DLGAP4: variants seen among roughly 807,000 people sequenced by gnomAD.
DLGAP4 encodes DLG associated protein 4.
Under a neutral mutation model 86.9 loss-of-function variants are expected in DLGAP4, and 18 were observed. The ratio of observed to expected loss-of-function variants is 0.21; its 90% confidence interval spans 0.14 to 0.31. The LOEUF (loss-of-function observed/expected upper bound fraction) is 0.31, where lower values mean the gene tolerates loss of function less well. Among genes scored for constraint, DLGAP4 ranks in the 10% least tolerant of loss-of-function variants. The probability of loss-of-function intolerance (pLI) is 1.00; values close to 1 mark genes in which losing one functional copy is unlikely to be tolerated. For missense variants in DLGAP4, 1,085 were observed against 1,362.6 expected (o/e 0.80, Z 3.21); for synonymous variants, 548 against 574.3 (o/e 0.95, Z 0.65).
At chr20:36,442,878 C>G in intron 6 of DLGAP4, 101 bp downstream of exon 6, 7 of 1,486,956 alleles carry the variant, frequency 4.7e-6, no homozygotes, top group Non-Finnish European at 6.5e-6. Flanking sequence ...CAGGCTGGTA[C>G]AAGCAGAGCC....
intron 6 of DLGAP4, among the ~76,000 whole-genome samples, 156 bp from the exon 7 acceptor site, chr20:36,446,541 A>G (rs2033595512): frequency 6.6e-6 from 1 of 152,192 alleles, no homozygotes; most frequent in African/African-American, 2.4e-5. Context: ...TAAGGGCTCC[A>G]TCTCCCCATC....
intron 1 of DLGAP4, among the ~76,000 whole-genome samples, chr20:36,311,240 G>C (rs1296609071): frequency 6.6e-6 from 1 of 151,118 alleles, no homozygotes; most frequent in Non-Finnish European, 1.5e-5. Flanking sequence ...GGGTGGGGGG[G>C]GTGGACCCTC....
intron 2 of DLGAP4, among the ~76,000 whole-genome samples, chr20:36,408,414 C>G (rs2032389857): frequency 6.6e-6 from 1 of 152,172 alleles, no homozygotes; most frequent in African/African-American, 2.4e-5. Context: ...CACCAGCTCC[C>G]CATCCGTCAT....
In DLGAP4 at chr20:36,480,385, G is replaced by A. The variant is rs186422565; in HGVS notation, c.1649-16320G>A. On this transcript the variant is annotated intron_variant, in intron 7 of 12. Coordinates refer to ENST00000339266, the MANE Select transcript of DLGAP4 (RefSeq NM_001365621.2). ...TGTGAACATTCTCATTTTGTATTTC[G>A]CTGTTTGTTGATAACAATTCTCCGG... is the stretch of plus-strand genomic sequence containing the variant. Among the ~76,000 whole-genome samples, 21 of 152,158 alleles carry A rather than the reference G, an allele frequency of 1.4e-4. No homozygotes were observed. The East Asian group carries it at 4.1e-3, about 29-fold the overall frequency.
rs1177268871 is a variant in DLGAP4 at position 36,525,246 on chromosome 20, A to C, written c.2605-605A>C. Among the ~76,000 whole-genome samples the C allele has an allele frequency of 1.3e-3, 100 of 74,596 alleles. 1 individual carries two copies. Among genetic ancestry groups the C allele is most frequent in the African/African-American group, 3.3e-3 (97 of 29,638 alleles). The allele number at this position is 74,596 out of a possible 152,430, so 48.9% of individuals were successfully genotyped here. On this transcript the variant is annotated intron_variant, in intron 11 of 12. Transcript: ENST00000339266. ...AAAAAAAAAAAAAAAAAAAAAAAAAAAAAAAAAACAAAGAAATCCCACTGC... is the reference window on the plus strand; with the variant it reads ...AAAAAAAAAAAAAAAAAAAAAAAAACAAAAAAAACAAAGAAATCCCACTGC...
intron 2 of DLGAP4, among the ~76,000 whole-genome samples, chr20:36,374,279 T>G (rs1826512120): frequency 6.6e-6 from 1 of 151,916 alleles, no homozygotes; most frequent in African/African-American, 2.4e-5. Flanking sequence ...TGAGAGGTGC[T>G]AAGGTGGATG....
rs188461371 is a variant in DLGAP4 at position 36,474,477 on chromosome 20, G to T, written c.1649-22228G>T. Among the ~76,000 whole-genome samples, 528 of 152,300 alleles carry T rather than the reference G, an allele frequency of 3.5e-3. 3 individuals carry two copies. Among genetic ancestry groups the T allele is most frequent in the Non-Finnish European group, 6.2e-3 (423 of 68,008 alleles). On this transcript the variant is annotated intron_variant, in intron 7 of 12. Coordinates refer to ENST00000339266, the MANE Select transcript of DLGAP4 (RefSeq NM_001365621.2). ...TCCATCTGGGCAGTTTCCTACTGGG[G>T]GCTGTGACGAGGACCTATTATTGAC...
chr20:36,444,542 G>T (rs563340480), intron 6 of DLGAP4, among the ~76,000 whole-genome samples: 2 of 152,114 alleles, frequency 1.3e-5, no homozygotes, highest in African/African-American at 2.4e-5. Context: ...CCCTCAAAGT[G>T]CTGGGATTAC....
At chr20:36,483,781 G>C (rs2035292385) in intron 7 of DLGAP4, among the ~76,000 whole-genome samples, 1 of 152,268 alleles carries the variant, frequency 6.6e-6, no homozygotes, top group Admixed American at 6.5e-5. Flanking sequence ...TGGACAGGCA[G>C]CATGGGCACC....
intron 2 of DLGAP4, among the ~76,000 whole-genome samples, chr20:36,401,631 T>A (rs1043542419): frequency 6.6e-6 from 1 of 152,246 alleles, no homozygotes; most frequent in Non-Finnish European, 1.5e-5. Context: ...GTGGTTAGCG[T>A]TGGGGACACA....
At chr20:36,518,987 C>T (rs751752797) in intron 10 of DLGAP4, among the ~76,000 whole-genome samples, 10 of 151,898 alleles carry the variant, frequency 6.6e-5, no homozygotes, top group East Asian at 1.9e-4. Context: ...TGTGGTGGTG[C>T]GCGCCTGTAG....
chr20:36,346,351 G>A (rs1555892978), intron 1 of DLGAP4, among the ~76,000 whole-genome samples: 1 of 152,246 alleles, frequency 6.6e-6, no homozygotes, highest in African/African-American at 2.4e-5. Context: ...ACTGTTAGCA[G>A]GAGCTCTGCC....
intron 1 of DLGAP4, among the ~76,000 whole-genome samples, chr20:36,348,289 T>A (rs373416340): frequency 6.6e-6 from 1 of 152,196 alleles, no homozygotes; most frequent in Non-Finnish European, 1.5e-5. Flanking sequence ...TGACTAGAGG[T>A]CATTACTCTT....
chr20:36,470,620 C>A (rs2034618215), intron 7 of DLGAP4, among the ~76,000 whole-genome samples: 1 of 151,676 alleles, frequency 6.6e-6, no homozygotes, highest in South Asian at 2.1e-4. Flanking sequence ...CCTGTCCTAC[C>A]CAGACACCTA....
chr20:36,317,463 CTTT>C (rs1207752409), intron 1 of DLGAP4, among the ~76,000 whole-genome samples: 5 of 120,090 alleles, frequency 4.2e-5, no homozygotes, highest in African/African-American at 6.6e-5. Context: ...CCTTCTCTTT[CTTT>C]TTTTTTTTTT....
chr20:36,318,415 C>T (rs1347143639), intron 1 of DLGAP4, among the ~76,000 whole-genome samples: 3 of 152,186 alleles, frequency 2.0e-5, no homozygotes, highest in Non-Finnish European at 4.4e-5. Flanking sequence ...CCCTGTCTCC[C>T]AGGCTGAAAT....
intron 7 of DLGAP4, among the ~76,000 whole-genome samples, chr20:36,447,483 T>C (rs1444351977): frequency 6.6e-6 from 1 of 152,198 alleles, no homozygotes; most frequent in African/African-American, 2.4e-5. Context: ...TGCAGTGGCA[T>C]GATCTTGGCT....
intron 1 of DLGAP4, among the ~76,000 whole-genome samples, chr20:36,336,168 A>T (rs1443618497): frequency 2.6e-5 from 4 of 152,064 alleles, no homozygotes; most frequent in African/African-American, 9.7e-5. Flanking sequence ...GTAACCACCT[A>T]CGACATCTTT....
intron 2 of DLGAP4, among the ~76,000 whole-genome samples, chr20:36,394,484 C>T (rs1401641067): frequency 6.6e-6 from 1 of 152,188 alleles, no homozygotes. Flanking sequence ...CCATCTCCCC[C>T]GGGGCATGAC....
Sources: gnomAD v4.1 joint callset for allele counts (sites outside exome capture counted in the v4.1 genomes callset) on GRCh38, gnomAD v4.1.1 for gene constraint, MANE v1.5 for transcripts, NCBI Gene and HGNC (gene_info 2026-07-23, HGNC 2026-07-21) for gene names.